Variants in ARHGEF11 observed in about 807,000 individuals in gnomAD.
The protein encoded by ARHGEF11 is Rho guanine exchange factor (GEF) 11.
ARHGEF11 carries 55 observed loss-of-function variants against 193.7 expected under a neutral mutation model. The observed-to-expected ratio is 0.28, with a 90% CI of 0.23 to 0.36. The LOEUF (loss-of-function observed/expected upper bound fraction) is 0.36. Ranked by LOEUF, ARHGEF11 falls within the 10% of genes least tolerant of loss-of-function variation. ARHGEF11 has a pLI of 1.00. For synonymous variants in ARHGEF11, 693 were observed against 768.0 expected (o/e 0.90, Z 1.62); for missense variants, 1,723 against 2,005.6 (o/e 0.86, Z 2.69).
chr1:157,024,277 G>A (rs1670371757), intron 1 of ARHGEF11, among the ~76,000 whole-genome samples: 1 of 152,178 alleles, frequency 6.6e-6, no homozygotes, highest in African/African-American at 2.4e-5. Flanking sequence ...TGGGACTGTA[G>A]GGAGCGGGAA....
intron 1 of ARHGEF11, among the ~76,000 whole-genome samples, chr1:157,013,299 A>ACACACACACACACACACACACACACACC (rs534893600): frequency 1.3e-5 from 2 of 148,736 alleles, no homozygotes; most frequent in East Asian, 2.0e-4. Context: ...ACACACACAC[A>ACACACACACACACACACACACACACACC]CCAAGAACCT....
At chr1:156,983,073 C>A (rs1404988243) in intron 3 of ARHGEF11, among the ~76,000 whole-genome samples, 2 of 152,190 alleles carry the variant, frequency 1.3e-5, no homozygotes, top group African/African-American at 4.8e-5. Flanking sequence ...TGCTCCCAAT[C>A]CCTTCCTTGT....
In ARHGEF11 at chr1:156,968,120, A is replaced by C; in HGVS notation, c.830T>G (p.Leu277Trp). 1 of 1,607,150 alleles carries C rather than the reference A, an allele frequency of 6.2e-7. No homozygotes were observed. The highest frequency in any genetic ancestry group is 8.5e-7 in the Non-Finnish European group (1 of 1,175,218). The change falls in exon 11 of 41, where the codon TTG (leucine) becomes TGG (tryptophan). Residue 277 changes from leucine (L) to tryptophan (W), a missense_variant. Around this residue, in one of 5 missense-constraint regions of ARHGEF11, gnomAD observed 646 missense variants for 710.7 expected, o/e 0.91. Transcript: ENST00000368194. ...TGACAGTACCGAGTTCCGATTCATCAATGACTAGAGAAACAAAGAATTCTG... is the reference window on the plus strand; with the variant it reads ...TGACAGTACCGAGTTCCGATTCATCCATGACTAGAGAAACAAAGAATTCTG... ...TERFPSLSES[L>W]MNRNSVLSDP...
intron 11 of ARHGEF11, among the ~76,000 whole-genome samples, chr1:156,967,608 A>G (rs1661867983): frequency 6.6e-6 from 1 of 152,112 alleles, no homozygotes; most frequent in Non-Finnish European, 1.5e-5. Flanking sequence ...GTTCCAAGTA[A>G]TAAGATTTTG....
chr1:156,988,428 G>C (rs1433192869), intron 1 of ARHGEF11, among the ~76,000 whole-genome samples: 1 of 152,138 alleles, frequency 6.6e-6, no homozygotes, highest in African/African-American at 2.4e-5. Context: ...GGCTATCCAC[G>C]CTGGGCTTGA....
Position 156,978,394 on chromosome 1 carries a change from C to A in ARHGEF11, c.332-12G>T. On this transcript the variant is annotated splice_polypyrimidine_tract_variant and intron_variant, in intron 5 of 40. Transcript: ENST00000368194. ...GACATAGGCGCCAGCTAGAGGGAAA[C>A]AGAGAGAGACTTGTTCCAGGAGTGC... 6.3e-7 allele frequency: 1 copy of A among 1,576,530 alleles called. No individual in the cohort carries two copies. Among genetic ancestry groups the A allele is most frequent in the Non-Finnish European group, 8.6e-7 (1 of 1,162,796 alleles).
chr1:157,013,942 A>G (rs1668878531), intron 1 of ARHGEF11, among the ~76,000 whole-genome samples: 1 of 152,138 alleles, frequency 6.6e-6, no homozygotes, highest in Admixed American at 6.5e-5. Flanking sequence ...TTTGTCCAAC[A>G]AACTAGCTCT....
rs149154470 is a variant in ARHGEF11, at chr1:157,023,289, C to T, written c.32+21010G>A. 2.6e-4 allele frequency among the ~76,000 whole-genome samples: 39 copies of T among 152,192 alleles called. No homozygotes were observed. In the East Asian group the frequency reaches 7.1e-3, roughly 28 times the overall value. ...TCTATAAAGAACTCTTAAAACTCAA[C>T]AATAAAGGGACGAATAACTTAAATA... On this transcript the variant is annotated intron_variant, in intron 1 of 40. Transcript: ENST00000368194.
intron 1 of ARHGEF11, among the ~76,000 whole-genome samples, chr1:156,995,722 T>A (rs74369929): frequency 2.0e-5 from 3 of 150,182 alleles, no homozygotes; most frequent in South Asian, 2.1e-4. Context: ...TTTTTTTTTT[T>A]AAATAGAGAT....
At chr1:156,947,051 G>A (rs1658268384) in intron 26 of ARHGEF11, 36 bp from the exon 27 acceptor site, 2 of 1,612,218 alleles carry the variant, frequency 1.2e-6, no homozygotes, top group Non-Finnish European at 8.5e-7. Context: ...AATGCCTGGG[G>A]TTGAGCTCAA....
chr1:157,037,390 G>A (rs191315271), intron 1 of ARHGEF11, among the ~76,000 whole-genome samples: 1 of 151,984 alleles, frequency 6.6e-6, no homozygotes. Context: ...AACCTTCCCC[G>A]GCTCCCTTTC....
chr1:157,007,018 G>C (rs1294553894), intron 1 of ARHGEF11, among the ~76,000 whole-genome samples: 2 of 150,290 alleles, frequency 1.3e-5, no homozygotes, highest in East Asian at 3.9e-4. Flanking sequence ...ACAGAGTTAG[G>C]GGGAGGCGGC....
chr1:156,995,794 C>T (rs2102607960), intron 1 of ARHGEF11, among the ~76,000 whole-genome samples: 1 of 151,818 alleles, frequency 6.6e-6, no homozygotes, highest in East Asian at 1.9e-4. Flanking sequence ...TCCTCAGCCT[C>T]AGCCTCCCAA....
chr1:156,954,771 A>T, intron 21 of ARHGEF11, 121 bp downstream of exon 21: 2 of 868,950 alleles, frequency 2.3e-6, no homozygotes, highest in Non-Finnish European at 3.8e-6. Flanking sequence ...GAGAGAAGAA[A>T]GAAAGGGAGG....
chr1:157,046,456 T>C (rs1673338757), upstream of ARHGEF11, among the ~76,000 whole-genome samples: 3 of 152,064 alleles, frequency 2.0e-5, no homozygotes, highest in Admixed American at 6.5e-5. Flanking sequence ...TCTCTCCACC[T>C]CTCTTCTGAT....
chr1:156,946,867 G>A, intron 27 of ARHGEF11, 69 bp downstream of exon 27: 1 of 1,540,138 alleles, frequency 6.5e-7, no homozygotes, highest in Non-Finnish European at 8.9e-7. Context: ...AAATTCTCTG[G>A]CCTTGGGTAA....
chr1:156,977,061 AT>A lies in ARHGEF11; in HGVS notation c.511-8del. ...GTTTTTGAACTTCGGGATCCTAGACATGGAAAATATGGCAATATAAGAGTTA... is the reference window on the plus strand; with the variant it reads ...GTTTTTGAACTTCGGGATCCTAGACAGGAAAATATGGCAATATAAGAGTTA... On this transcript the variant is annotated splice_polypyrimidine_tract_variant and splice_region_variant and intron_variant, in intron 6 of 40. Transcript: ENST00000368194. The A allele has an allele frequency of 6.2e-7, 1 of 1,613,042 alleles. No individual in the cohort carries two copies.
chr1:156,980,619 G>GT, intron 3 of ARHGEF11, 133 bp from the exon 4 acceptor site: 1 of 988,750 alleles, frequency 1.0e-6, no homozygotes, highest in South Asian at 1.5e-5. Flanking sequence ...AATTCTGGGT[G>GT]TACTTCCTAT....
At chr1:156,947,241 CAAAG>C in intron 26 of ARHGEF11, 59 bp downstream of exon 26, 2 of 1,555,520 alleles carry the variant, frequency 1.3e-6, no homozygotes, top group Non-Finnish European at 1.7e-6. Context: ...GCAGTGGGGC[CAAAG>C]TGGAACAGGA....
Sources: gnomAD v4.1 joint callset for allele counts (sites outside exome capture counted in the v4.1 genomes callset) on GRCh38, gnomAD v4.1.1 for gene constraint, gnomAD v4.1.1 regional missense constraint, MANE v1.5 for transcripts, NCBI Gene and HGNC (gene_info 2026-07-23, HGNC 2026-07-21) for gene names.